The following C5orf63 variants were observed in gnomAD, a reference collection of about 807,000 sequenced individuals.
C5orf63 encodes the protein chromosome 5 open reading frame 63.
Under a neutral mutation model 13.3 loss-of-function variants are expected in C5orf63, and 18 were observed. That is an observed-to-expected ratio of 1.36 (90% CI 0.94 to 2.01). C5orf63 has a LOEUF of 2.01. Ranked by LOEUF, C5orf63 falls within the 30% of genes most tolerant of loss-of-function variation. The probability of loss-of-function intolerance (pLI) is 0.00; values close to 1 mark genes in which losing one functional copy is unlikely to be tolerated. For missense variants in C5orf63, 118 were observed against 127.7 expected, an observed-to-expected ratio of 0.92 and a Z score of 0.36; for synonymous variants, 38 against 44.7, an observed-to-expected ratio of 0.85 and a Z score of 0.60.
intron 3 of C5orf63, 58 bp from the exon 4 acceptor site, chr5:127,052,727 AAAAAC>A (rs1418880337): frequency 2.5e-5 from 34 of 1,370,554 alleles, no homozygotes; most frequent in Middle Eastern, 1.9e-4. Flanking sequence ...TTGCCCTTAC[AAAAAC>A]AAAACAAAAC....
At chr5:127,072,348 A>G (rs1237292112) in intron 1 of C5orf63, among the ~76,000 whole-genome samples, 1 of 152,192 alleles carries the variant, frequency 6.6e-6, no homozygotes, top group Non-Finnish European at 1.5e-5. Context: ...CTAATTACCT[A>G]TAATGCACCC....
At chr5:127,047,839 G>A (rs1207518613), downstream of C5orf63, 3 of 703,784 alleles carry the variant, frequency 4.3e-6, no homozygotes, top group African/African-American at 1.7e-5. Context: ...CGACTGAGAA[G>A]CCATGTGGGG....
chr5:127,061,017 T>C (rs1754085396), intron 2 of C5orf63, among the ~76,000 whole-genome samples: 3 of 152,232 alleles, frequency 2.0e-5, no homozygotes, highest in African/African-American at 7.2e-5. Context: ...TTAAAAGTAT[T>C]GAAGTGAGCT....
chr5:127,052,585 A>G, intron 4 of C5orf63, 28 bp downstream of exon 4: 1 of 1,407,402 alleles, frequency 7.1e-7, no homozygotes, highest in Non-Finnish European at 9.2e-7. Flanking sequence ...CAATCCATAT[A>G]CATAAAAGCC....
chr5:127,057,140 A>T (rs192016277), intron 3 of C5orf63, among the ~76,000 whole-genome samples: 3 of 152,372 alleles, frequency 2.0e-5, no homozygotes, highest in Admixed American at 2.0e-4. Context: ...AGACTCTCAG[A>T]TGATGAAATA....
rs553151589 is a variant in C5orf63, at chr5:127,053,350, G to A, written c.115-681C>T. Among the ~76,000 whole-genome samples the A allele has an allele frequency of 1.7e-3, 251 of 151,066 alleles. 3 individuals carry two copies. Among genetic ancestry groups the A allele is most frequent in the African/African-American group, 5.8e-3 (235 of 40,654 alleles). On this transcript the variant is annotated intron_variant, in intron 3 of 4. Transcript: ENST00000296662. ...TCTGTTGAGAATACTATGGATCGTC[G>A]GCAGATTTTATTTATTTTATTTTAT...
chr5:127,054,986 A>C (rs1446982665), intron 3 of C5orf63, among the ~76,000 whole-genome samples: 1 of 152,212 alleles, frequency 6.6e-6, no homozygotes, highest in African/African-American at 2.4e-5. Flanking sequence ...CCATTTATTA[A>C]ATAGGAAATC....
At chr5:127,054,598 G>T (rs547364763) in intron 3 of C5orf63, among the ~76,000 whole-genome samples, 4 of 152,126 alleles carry the variant, frequency 2.6e-5, no homozygotes, top group Non-Finnish European at 5.9e-5. Context: ...ATTTTTTCTT[G>T]TAAATTTGTT....
Position 127,052,642 on chromosome 5 carries a change from T to G in C5orf63, c.142A>C (p.Lys48Gln). Reference sequence around the variant, plus strand: ...TTTTCATAAGGCTTGAGTACTTCCTTGGCTTCATCACAAAGGGGGCATGGG... The same window carrying G: ...TTTTCATAAGGCTTGAGTACTTCCTGGGCTTCATCACAAAGGGGGCATGGG... The part of the protein sequence containing the change: ...KDPCPLCDEA[K>Q]EVLKPYENRF... Residue 48 changes from lysine (K) to glutamine (Q), a missense_variant, in exon 4 of 5, where the codon AAG becomes CAG. Physicochemically the swap from Lys to Gln is moderately conservative, Grantham distance 53. Coordinates refer to ENST00000296662, the MANE Select transcript of C5orf63 (RefSeq NM_001164478.2). 6.6e-7 allele frequency: 1 copy of G among 1,509,878 alleles called. No individual in the cohort carries two copies. The highest frequency in any genetic ancestry group is 8.8e-7 in the Non-Finnish European group (1 of 1,137,658). The allele number at this position is 1,509,878 out of a possible 1,614,324, so 93.5% of individuals were successfully genotyped here.
At chr5:127,053,520 G>A (rs1753765996) in intron 3 of C5orf63, among the ~76,000 whole-genome samples, 1 of 151,968 alleles carries the variant, frequency 6.6e-6, no homozygotes, top group Admixed American at 6.6e-5. Context: ...TGCCATGTTG[G>A]TTTGCTGCAC....
intron 3 of C5orf63, 88 bp downstream of exon 3, chr5:127,058,794 T>A: frequency 1.2e-6 from 1 of 829,152 alleles, no homozygotes; most frequent in Non-Finnish European, 1.9e-6. Context: ...GAAGAAAGCT[T>A]ATTCCATTGC....
At chr5:127,062,425 G>A (rs1314830430) in intron 2 of C5orf63, among the ~76,000 whole-genome samples, 1 of 152,122 alleles carries the variant, frequency 6.6e-6, no homozygotes. Flanking sequence ...TAAGGTATAT[G>A]CATTTTGTTA....
At chr5:127,053,413 T>C (rs1274391140) in intron 3 of C5orf63, among the ~76,000 whole-genome samples, 1 of 151,738 alleles carries the variant, frequency 6.6e-6, no homozygotes, top group Non-Finnish European at 1.5e-5. Flanking sequence ...TTATTATACT[T>C]TTATTATATA....
intron 3 of C5orf63, among the ~76,000 whole-genome samples, chr5:127,057,399 T>C (rs1258549604): frequency 1.3e-5 from 2 of 152,220 alleles, no homozygotes; most frequent in Admixed American, 1.3e-4. Context: ...TTATTTCTTT[T>C]TTGTTAAATC....
chr5:127,053,133 G>C (rs1753746914), intron 3 of C5orf63, among the ~76,000 whole-genome samples: 1 of 152,282 alleles, frequency 6.6e-6, no homozygotes, highest in South Asian at 2.1e-4. Context: ...AAACCCATTA[G>C]GATGGAGTCA....
intron 3 of C5orf63, among the ~76,000 whole-genome samples, chr5:127,057,544 T>C (rs1435755161): frequency 1.3e-5 from 2 of 152,248 alleles, no homozygotes; most frequent in Non-Finnish European, 2.9e-5. Context: ...AAAACAACTA[T>C]AATCAGTCCT....
rs971525796 is a variant in C5orf63 at position 127,051,668 on chromosome 5, C to G, written c.*103G>C. On this transcript the variant is annotated 3_prime_UTR_variant, in exon 5 of 5. Transcript: ENST00000296662. ...TTTGGCACCACTGAATTCAGAACAT[C>G]CTTAGGGCTCTGTACAAGTGACAAA... The G allele has an allele frequency of 6.7e-6, 9 of 1,351,988 alleles. No homozygotes were observed. The African/African-American group carries it at 1.2e-4, about 18-fold the overall frequency. 83.7% of individuals were successfully genotyped at this position (1,351,988 alleles called of 1,614,324 possible). A position where few individuals can be genotyped will look rare whatever the true frequency, so the allele number is the denominator to read the frequency against.
chr5:127,069,318 C>T (rs530215951), intron 2 of C5orf63, among the ~76,000 whole-genome samples: 1 of 152,304 alleles, frequency 6.6e-6, no homozygotes, highest in South Asian at 2.1e-4. Context: ...ATCTCTTATA[C>T]TTAATACTGA....
chr5:127,045,495 C>T (rs1753503370), exon 5 of C5orf63: 1 of 152,138 alleles, frequency 6.6e-6, no homozygotes, highest in South Asian at 2.1e-4. Context: ...ATAGAGACAC[C>T]TGTGATTACA....
Sources: gnomAD v4.1 joint callset for allele counts (sites outside exome capture counted in the v4.1 genomes callset) on GRCh38, gnomAD v4.1.1 for gene constraint, MANE v1.5 for transcripts, NCBI Gene and HGNC (gene_info 2026-07-23, HGNC 2026-07-21) for gene names.